PSMG1: variants seen among roughly 807,000 people sequenced by gnomAD.
PSMG1 encodes proteasome assembly chaperone 1.
PSMG1 carries 23 observed loss-of-function variants against 37.2 expected under a neutral mutation model. That is an observed-to-expected ratio of 0.62 (90% CI 0.44 to 0.88). PSMG1 has a LOEUF of 0.88. Among genes scored for constraint, PSMG1 ranks in the 40% least tolerant of loss-of-function variants. The pLI is 0.00. For missense variants in PSMG1, 340 were observed against 344.2 expected, an observed-to-expected ratio of 0.99 and a Z score of 0.10; for synonymous variants, 127 against 128.0, an observed-to-expected ratio of 0.99 and a Z score of 0.05.
intron 1 of PSMG1, among the ~76,000 whole-genome samples, chr21:39,182,084 T>C (rs1031839869): frequency 1.3e-5 from 2 of 152,176 alleles, no homozygotes; most frequent in African/African-American, 4.8e-5. Flanking sequence ...AACTCTAAAA[T>C]AGTGATCAGG....
At position 39,183,446 on chromosome 21, in the gene PSMG1, C is replaced by G; in HGVS notation, c.-61G>C. The stretch of plus-strand genomic sequence containing the variant: ...CCGCGGGACCGCACGCCGGCTTGCG[C>G]GAGACCACGCTCCCTCACCGCGCGG... On this transcript the variant is annotated 5_prime_UTR_variant, in exon 1 of 7. Transcript: ENST00000331573. 4 of 1,505,080 alleles carry G rather than the reference C, an allele frequency of 2.7e-6. No homozygotes were observed. The South Asian group carries it at 3.8e-5, about 14-fold the overall frequency. The allele number at this position is 1,505,080 out of a possible 1,614,324, so 93.2% of individuals were successfully genotyped here.
rs1339252581 is a variant in PSMG1 at position 39,178,825 on chromosome 21, T to C, written c.457-178A>G. 7.8e-6 allele frequency: 5 copies of C among 638,994 alleles called. No individual in the cohort carries two copies. The East Asian group carries it at 1.4e-4, about 18-fold the overall frequency. 39.6% of individuals were successfully genotyped at this position (638,994 alleles called of 1,614,324 possible). A position where few individuals can be genotyped will look rare whatever the true frequency, so the allele number is the denominator to read the frequency against. On this transcript the variant is annotated intron_variant, in intron 4 of 6. Transcript: ENST00000331573. ...CACAACCTGGGTTTGATCTTGGTTCTGCTTTCTAGGTGGGCAATTTTTCCA... is the reference window on the plus strand; with the variant it reads ...CACAACCTGGGTTTGATCTTGGTTCCGCTTTCTAGGTGGGCAATTTTTCCA...
At position 39,181,781 on chromosome 21, in the gene PSMG1, T is replaced by C; in HGVS notation, c.232A>G (p.Asn78Asp). Residue 78 changes from asparagine (N) to aspartate (D), a missense_variant, in exon 2 of 7, where the codon AAT (asparagine) becomes GAT (aspartate). By Grantham distance (23) the Asn-to-Asp change is conservative. Transcript: ENST00000331573. ...CSKFIIAIGN[N>D]AVAFLSSFVM... ...CTGCATTTTCACTTACCTACTGCAT[T>C]ATTTCCTATAGCAATTATAAACTTG... 1 of 1,567,088 alleles carries C rather than the reference T, an allele frequency of 6.4e-7. No homozygotes were observed.
chr21:39,175,588 G>T lies in PSMG1; in HGVS notation c.*2C>A, dbSNP rs773712591. The stretch of plus-strand genomic sequence containing the variant: ...ATATACACTACAAAACAATGTTTAA[G>T]ATCATGTATAAATGTTACTCTGAAT... On this transcript the variant is annotated 3_prime_UTR_variant, in exon 7 of 7. Transcript: ENST00000331573. The T allele has an allele frequency of 2.5e-6, 4 of 1,586,940 alleles. No homozygotes were observed. Among genetic ancestry groups the T allele is most frequent in the South Asian group, 1.1e-5 (1 of 90,402 alleles).
chr21:39,180,580 A>C (rs1295934717), intron 2 of PSMG1, 144 bp from the exon 3 acceptor site: 1 of 736,328 alleles, frequency 1.4e-6, no homozygotes, highest in Non-Finnish European at 2.0e-6. Context: ...CATTATACAG[A>C]AAAAGAAACT....
intron 5 of PSMG1, among the ~76,000 whole-genome samples, chr21:39,177,975 T>C (rs1211527254): frequency 2.0e-5 from 3 of 152,126 alleles, no homozygotes; most frequent in Admixed American, 1.3e-4. Flanking sequence ...TTAATACAGT[T>C]CATATAATAA....
At position 39,179,905 on chromosome 21, in the gene PSMG1, G is replaced by A. The variant is rs2146409155; in HGVS notation, c.456+19C>T. 6.2e-7 allele frequency: 1 copy of A among 1,610,344 alleles called. No individual in the cohort carries two copies. The highest frequency in any genetic ancestry group is 2.2e-5 in the East Asian group (1 of 44,832). ...ACTCCTGTAGACTAACCATTCACAG[G>A]TTTTCATTTCTCTCTTACCTTTTCC... On this transcript the variant is annotated intron_variant, in intron 4 of 6. Coordinates refer to ENST00000331573, the MANE Select transcript of PSMG1 (RefSeq NM_003720.4).
rs1483241229 is a variant in PSMG1, at chr21:39,181,833, A to G, written c.180T>C (p.Val60=). 1 of 1,594,916 alleles carries G rather than the reference A, an allele frequency of 6.3e-7. No individual in the cohort carries two copies. The highest frequency in any genetic ancestry group is 1.4e-5 in the African/African-American group (1 of 73,886). The change falls in exon 2 of 7, where the codon GTT becomes GTC. Residue 60 remains valine, a synonymous_variant. Coordinates refer to ENST00000331573, the MANE Select transcript of PSMG1 (RefSeq NM_003720.4). The part of the protein sequence containing the change: ...LRRQTKTSLE[V]SLLEKYPCSK... ...AGCACGGATATTTTTCTAGCAAAGA[A>G]ACTTCCAAAGATGTTTTTGTTTGTC...
In PSMG1 at chr21:39,180,005, C is replaced by G. The variant is rs372693066; in HGVS notation, c.394-19G>C. ...GAAAAACCTGAAAAGTCAAGTTCCA[C>G]GCTTTTTGTCAAGTAAGTTTTATAC... On this transcript the variant is annotated intron_variant, in intron 3 of 6. Transcript: ENST00000331573. 5.6e-6 allele frequency: 9 copies of G among 1,597,360 alleles called. No homozygotes were observed. Among genetic ancestry groups the G allele is most frequent in the Non-Finnish European group, 3.4e-6 (4 of 1,171,804 alleles).
At chr21:39,183,503 CT>C, upstream of PSMG1, 1 of 1,281,262 alleles carries the variant, frequency 7.8e-7, no homozygotes, top group Non-Finnish European at 1.0e-6. Flanking sequence ...AGGCCACGCC[CT>C]CCGCGCACAG....
At position 39,180,355 on chromosome 21, in the gene PSMG1, G is replaced by A. The variant is rs143749424; in HGVS notation, c.323C>T (p.Thr108Ile). The A allele has an allele frequency of 9.9e-4, 1,595 of 1,612,756 alleles. 2 individuals are homozygous for A. Among genetic ancestry groups the A allele is most frequent in the Non-Finnish European group, 1.2e-3 (1,463 of 1,179,286 alleles). Reference protein sequence around the residue: ...CAKLWNEWCRTTDTTHLSSTE... With the variant: ...CAKLWNEWCRITDTTHLSSTE... ...GGAGGACAGATGTGTAGTGTCTGTT[G>A]TTCTACACCATTCATTCCAGAGTTT... The change falls in exon 3 of 7, where the codon ACA (threonine) becomes ATA (isoleucine). Residue 108 changes from threonine (T) to isoleucine (I), a missense_variant. Transcript: ENST00000331573.
rs116847363 is a variant in PSMG1 at position 39,180,048 on chromosome 21, C to T, written c.394-62G>A. ...TTTTATACACACCACAAACTATCAC[C>T]ATATATGTAACATGTGAATGACAAC... On this transcript the variant is annotated intron_variant, in intron 3 of 6. Transcript: ENST00000331573. The T allele has an allele frequency of 7.6e-3, 11,387 of 1,503,776 alleles. 50 individuals carry two copies. The highest frequency in any genetic ancestry group is 9.6e-3 in the Non-Finnish European group (10,428 of 1,087,708). The allele number at this position is 1,503,776 out of a possible 1,614,324, so 93.2% of individuals were successfully genotyped here.
rs1029466081 is a variant in PSMG1 at position 39,177,454 on chromosome 21, C to G, written c.773G>C (p.Ser258Thr). Residue 258 changes from serine (S) to threonine (T), a missense_variant, in exon 6 of 7, where the codon AGC becomes ACC. Physicochemically the swap from Ser to Thr is moderately conservative, Grantham distance 58. Coordinates refer to ENST00000331573, the MANE Select transcript of PSMG1 (RefSeq NM_003720.4). ...CCTTACCTTAACCAAACCCTTCAAG[C>G]TTCTGGTAGAAAGTATAGGCTTAAA... ...EAFKPILSTR[S>T]LKGLVKNIPQ... 4.4e-6 allele frequency: 7 copies of G among 1,597,786 alleles called. No homozygotes were observed. The highest frequency in any genetic ancestry group is 6.0e-6 in the Non-Finnish European group (7 of 1,174,478).
intron 2 of PSMG1, 63 bp downstream of exon 2, chr21:39,181,709 G>T: frequency 8.8e-7 from 1 of 1,137,094 alleles, no homozygotes; most frequent in Non-Finnish European, 1.2e-6. Context: ...TTTTATGATG[G>T]AAGAAAATAA....
At chr21:39,180,072 A>C in intron 3 of PSMG1, 86 bp from the exon 4 acceptor site, 1 of 1,385,414 alleles carries the variant, frequency 7.2e-7, no homozygotes, top group Non-Finnish European at 1.0e-6. Context: ...GTGAATGACA[A>C]CACTTAGGTA....
chr21:39,183,293 C>T lies in PSMG1; in HGVS notation c.93G>A (p.Thr31=). Residue 31 remains threonine (T), a synonymous_variant, in exon 1 of 7, where the codon ACG becomes ACA. Coordinates refer to ENST00000331573, the MANE Select transcript of PSMG1 (RefSeq NM_003720.4). Reference sequence around the variant, plus strand: ...GCAGACGCACCTCCCTGTCCTCGGGCGTCTCCCTCCGCCCCTCCTCCTCCT... The same window carrying T: ...GCAGACGCACCTCCCTGTCCTCGGGTGTCTCCCTCCGCCCCTCCTCCTCCT... The part of the protein sequence containing the change: ...EEEEEEGRRE[T]PEDREVRLQL... The T allele has an allele frequency of 6.3e-7, 1 of 1,586,176 alleles. No homozygotes were observed.
rs1601187069 is a variant in PSMG1, at chr21:39,180,113, T to C, written c.394-127A>G. Reference sequence around the variant, plus strand: ...TATTTTCCTGGCTCCACTATTGACCTACTTATTTCTCTTTAAAATTTAACA... The same window carrying C: ...TATTTTCCTGGCTCCACTATTGACCCACTTATTTCTCTTTAAAATTTAACA... On this transcript the variant is annotated intron_variant, in intron 3 of 6. Transcript: ENST00000331573. The C allele has an allele frequency of 3.3e-6, 4 of 1,222,540 alleles. No individual in the cohort carries two copies. In the South Asian group the frequency reaches 4.4e-5, roughly 14 times the overall value. The allele number at this position is 1,222,540 out of a possible 1,614,324, so 75.7% of individuals were successfully genotyped here. A position where few individuals can be genotyped will look rare whatever the true frequency, so the allele number is the denominator to read the frequency against.
At chr21:39,178,387 G>A in intron 5 of PSMG1, 62 bp downstream of exon 5, 13 of 1,473,458 alleles carry the variant, frequency 8.8e-6, no homozygotes, top group Non-Finnish European at 1.2e-5. Flanking sequence ...ACCTCTAATG[G>A]TGAAAAGTAG....
At chr21:39,175,980 G>A (rs767948765) in intron 6 of PSMG1, among the ~76,000 whole-genome samples, 3 of 152,050 alleles carry the variant, frequency 2.0e-5, no homozygotes, top group South Asian at 2.1e-4. Flanking sequence ...CACTCCTCAC[G>A]GCTCTCCTCA....
Sources: gnomAD v4.1 joint callset for allele counts (sites outside exome capture counted in the v4.1 genomes callset) on GRCh38, gnomAD v4.1.1 for gene constraint, MANE v1.5 for transcripts, NCBI Gene and HGNC (gene_info 2026-07-23, HGNC 2026-07-21) for gene names.